The following CP variants were observed in gnomAD, a reference collection of about 807,000 sequenced individuals.
CP encodes caeruloplasmin.
Under a neutral mutation model 122.4 loss-of-function variants are expected in CP, and 64 were observed. The observed-to-expected ratio is 0.52, with a 90% confidence interval of 0.43 to 0.64. The LOEUF (loss-of-function observed/expected upper bound fraction) is 0.64, where lower values mean the gene tolerates loss of function less well. Among genes scored for constraint, CP ranks in the 30% least tolerant of loss-of-function variants. The pLI is 0.00. For synonymous variants in CP, 440 were observed against 436.4 expected, an observed-to-expected ratio of 1.01 and a Z score of -0.10; for missense variants, 1,167 against 1,284.4, an observed-to-expected ratio of 0.91 and a Z score of 1.40.
intron 14 of CP, among the ~76,000 whole-genome samples, chr3:149,180,584 T>C (rs1211601717): frequency 6.6e-6 from 1 of 152,162 alleles, no homozygotes; most frequent in East Asian, 1.9e-4. Context: ...CAACAGACAT[T>C]CACTAGAGAA....
intron 10 of CP, among the ~76,000 whole-genome samples, chr3:149,187,675 G>A (rs1450060763): frequency 2.6e-5 from 4 of 152,208 alleles, no homozygotes; most frequent in Non-Finnish European, 4.4e-5. Flanking sequence ...TTTTCAAACT[G>A]TAGCGTTCAT....
At chr3:149,166,264 A>G (rs1475527755) in intron 4 of CP, among the ~76,000 whole-genome samples, 1 of 152,236 alleles carries the variant, frequency 6.6e-6, no homozygotes, top group Non-Finnish European at 1.5e-5. Context: ...GATAACAATG[A>G]TTAGTTCTAA....
Position 149,176,343 on chromosome 3 carries a change from G to C in CP, c.3088C>G (p.Pro1030Ala). Reference sequence around the variant, plus strand: ...AGTAACCAAATTCCAGGTGTTCTTGGAAACATTTCTAGGGTTTGGTATGTT... The same window carrying C: ...AGTAACCAAATTCCAGGTGTTCTTGCAAACATTTCTAGGGTTTGGTATGTT... ...PGTYQTLEMF[P>A]RTPGIWLLHC... Residue 1030 changes from proline to alanine, a missense_variant, in exon 18 of 19, where the codon CCA becomes GCA. Pro to Ala is a conservative substitution (Grantham distance 27). Transcript: ENST00000264613. 1 of 1,613,424 alleles carries C rather than the reference G, an allele frequency of 6.2e-7. No individual in the cohort carries two copies. The highest frequency in any genetic ancestry group is 8.5e-7 in the Non-Finnish European group (1 of 1,179,488).
chr3:149,189,462 G>A (rs1419409995), intron 9 of CP, among the ~76,000 whole-genome samples: 1 of 151,642 alleles, frequency 6.6e-6, no homozygotes, highest in Non-Finnish European at 1.5e-5. Flanking sequence ...GCTGAGGCAG[G>A]AGAATGGCGT....
At chr3:149,205,001 TCAA>T (rs146212020) in intron 6 of CP, among the ~76,000 whole-genome samples, 40 of 151,500 alleles carry the variant, frequency 2.6e-4, no homozygotes, top group Admixed American at 3.9e-4. Context: ...CTCCTACAGG[TCAA>T]CAACAACAAC....
chr3:149,202,605 CTTTT>C (rs34873592), intron 6 of CP, among the ~76,000 whole-genome samples: 35 of 106,784 alleles, frequency 3.3e-4, no homozygotes, highest in African/African-American at 7.5e-4. Context: ...TGTTGTTTGT[CTTTT>C]TTTTTTTTTT....
rs545266359 is a variant in CP, at chr3:149,196,367, G to GT, written c.1713+1999dup. ...AAATCATGATGAATTTATCTGAAAA[G>GT]TTTTTTCCCATTTTCTTCCACTGAA... On this transcript the variant is annotated intron_variant, in intron 9 of 18. Transcript: ENST00000264613. 2.2e-3 allele frequency among the ~76,000 whole-genome samples: 328 copies of GT among 152,174 alleles called. 1 individual carries two copies. Among genetic ancestry groups the GT allele is most frequent in the Middle Eastern group, 6.8e-3 (2 of 294 alleles).
chr3:149,218,541 G>T (rs1728608414), intron 1 of CP, among the ~76,000 whole-genome samples: 1 of 151,904 alleles, frequency 6.6e-6, no homozygotes, highest in South Asian at 2.1e-4. Context: ...TTTAATATCT[G>T]CCAGTGTTTT....
At chr3:149,207,053 G>C (rs1445400564) in intron 5 of CP, among the ~76,000 whole-genome samples, 1 of 152,092 alleles carries the variant, frequency 6.6e-6, no homozygotes, top group Non-Finnish European at 1.5e-5. Context: ...GTGCTTTCCA[G>C]TGCAACATAC....
intron 14 of CP, chr3:149,179,935 G>A: frequency 2.6e-6 from 1 of 387,914 alleles, no homozygotes; most frequent in East Asian, 5.5e-5. Context: ...TAGGAGGTGT[G>A]TACTTCAATA....
chr3:149,168,215 A>G (rs1724623535), downstream of CP: 1 of 481,300 alleles, frequency 2.1e-6, no homozygotes, highest in Admixed American at 3.6e-5. Context: ...ACACTTAACA[A>G]ATTATCACAG....
At position 149,185,546 on chromosome 3, in the gene CP, A is replaced by AT. The variant is rs1358517033; in HGVS notation, c.2078-101_2078-100insA. ...ATGCTGAAGTCCTTATCATGGCCTC[A>AT]GGTGATCTAGCTTTCCACACCTTCT... On this transcript the variant is annotated intron_variant, in intron 11 of 18. Transcript: ENST00000264613. The AT allele has an allele frequency of 8.8e-5, 96 of 1,092,674 alleles. No homozygotes were observed. The South Asian group carries it at 1.1e-3, about 13-fold the overall frequency. 67.7% of individuals were successfully genotyped at this position (1,092,674 alleles called of 1,614,324 possible). A position where few individuals can be genotyped will look rare whatever the true frequency, so the allele number is the denominator to read the frequency against.
chr3:149,200,109 T>G (rs900593282), intron 7 of CP: 4 of 500,608 alleles, frequency 8.0e-6, no homozygotes, highest in African/African-American at 7.8e-5. Context: ...TTTGTACAAG[T>G]CAGTTAGTAA....
chr3:149,218,118 T>G lies in CP; in HGVS notation c.146+3529A>C, dbSNP rs1728582255. On this transcript the variant is annotated intron_variant, in intron 1 of 18. Transcript: ENST00000264613. Reference sequence around the variant, plus strand: ...TGGCCGTTCGTATACTTAAAAAAATTTTCACTTATTTCCAGCTTCCTAGAG... The same window carrying G: ...TGGCCGTTCGTATACTTAAAAAAATGTTCACTTATTTCCAGCTTCCTAGAG... The G allele has an allele frequency of 1.8e-5, 3 of 169,794 alleles. No homozygotes were observed. In the Admixed American group the frequency reaches 1.9e-4, roughly 11 times the overall value. The allele number at this position is 169,794 out of a possible 1,614,324, so 10.5% of individuals were successfully genotyped here.
chr3:149,186,205 C>T, intron 11 of CP: 1 of 399,344 alleles, frequency 2.5e-6, no homozygotes. Context: ...GGGAGTCATT[C>T]CCCTTCTAGT....
intron 18 of CP, 54 bp downstream of exon 18, chr3:149,176,196 C>T: frequency 6.5e-7 from 1 of 1,542,046 alleles, no homozygotes; most frequent in Non-Finnish European, 9.0e-7. Context: ...CAAAGTAGTT[C>T]CTTTAGTTAT....
chr3:149,186,449 T>A, intron 11 of CP, 71 bp downstream of exon 11: 1 of 1,428,002 alleles, frequency 7.0e-7, no homozygotes, highest in Non-Finnish European at 9.8e-7. Flanking sequence ...ACCCAACACA[T>A]TCTGCTACAG....
At chr3:149,219,106 T>C (rs1728650353) in intron 1 of CP, among the ~76,000 whole-genome samples, 1 of 152,162 alleles carries the variant, frequency 6.6e-6, no homozygotes, top group South Asian at 2.1e-4. Context: ...GCAAAATTGC[T>C]GAAGCTGTAT....
intron 2 of CP, among the ~76,000 whole-genome samples, chr3:149,211,873 G>A (rs527550475): frequency 2.0e-5 from 3 of 152,264 alleles, no homozygotes; most frequent in South Asian, 4.1e-4. Context: ...TGGGCTCTGG[G>A]AAAGAAGCTC....
Sources: gnomAD v4.1 joint callset for allele counts (sites outside exome capture counted in the v4.1 genomes callset) on GRCh38, gnomAD v4.1.1 for gene constraint, MANE v1.5 for transcripts, NCBI Gene and HGNC (gene_info 2026-07-23, HGNC 2026-07-21) for gene names.